Variants in NPR1 observed in about 807,000 individuals in gnomAD.
NPR1 encodes natriuretic peptide receptor 1, also known as atrial natriuretic peptide receptor 1.
NPR1 carries 57 observed loss-of-function variants against 116.9 expected under a neutral mutation model. That is an observed-to-expected ratio of 0.49 (90% CI 0.39 to 0.61). NPR1 has a LOEUF of 0.61. Among genes scored for constraint, NPR1 ranks in the 20% least tolerant of loss-of-function variants. NPR1 has a pLI of 0.00. For missense variants in NPR1, 1,096 were observed against 1,409.8 expected (o/e 0.78, Z 3.56); for synonymous variants, 555 against 601.6 (o/e 0.92, Z 1.13).
intron 8 of NPR1, among the ~76,000 whole-genome samples, chr1:153,685,442 T>A (rs1271886084): frequency 6.6e-6 from 1 of 151,728 alleles, no homozygotes; most frequent in African/African-American, 2.4e-5. Flanking sequence ...GGCAGGAGGA[T>A]TGCTTGTGCC....
At chr1:153,680,740 T>A in intron 2 of NPR1, 40 bp downstream of exon 2, 1 of 1,517,122 alleles carries the variant, frequency 6.6e-7, no homozygotes. Context: ...TCTCAGCTTG[T>A]GGCACATCAT....
chr1:153,690,197 C>T lies in NPR1; in HGVS notation c.2933-87C>T. On this transcript the variant is annotated intron_variant, in intron 19 of 21. Coordinates refer to ENST00000368680, the MANE Select transcript of NPR1 (RefSeq NM_000906.4). ...TGGGACCTCAGATCCTGCCTCCTGC[C>T]TGTCTTGGATTGTCCACCTACCTCC... 3 of 1,046,146 alleles carry T rather than the reference C, an allele frequency of 2.9e-6. No homozygotes were observed. The South Asian group carries it at 4.4e-5, about 15-fold the overall frequency. 64.8% of individuals were successfully genotyped at this position (1,046,146 alleles called of 1,614,324 possible). A position where few individuals can be genotyped will look rare whatever the true frequency, so the allele number is the denominator to read the frequency against.
intron 14 of NPR1, 33 bp from the exon 15 acceptor site, chr1:153,688,020 C>T (rs753443347): frequency 6.6e-7 from 1 of 1,505,416 alleles, no homozygotes; most frequent in Admixed American, 1.8e-5. Flanking sequence ...TTGGCCAGCC[C>T]CACCCCTCAG....
Position 153,685,860 on chromosome 1 carries a change from G to T in NPR1, c.1660G>T (p.Ala554Ser). ...CACAGAGGGCCAGTTCCAAGTCTTT[G>T]CCAAGACAGCATATTATAAGGTGGG... ...LTTEGQFQVF[A>S]KTAYYKGNLV... The change falls in exon 9 of 22, where the codon GCC (alanine) becomes TCC (serine). Residue 554 changes from alanine to serine, a missense_variant. Ala to Ser is a moderately conservative substitution (Grantham distance 99, BLOSUM62 1). Transcript: ENST00000368680. The T allele has an allele frequency of 6.2e-7, 1 of 1,614,028 alleles. No homozygotes were observed. Among genetic ancestry groups the T allele is most frequent in the Middle Eastern group, 1.7e-4 (1 of 6,056 alleles).
chr1:153,693,472 T>C lies in NPR1; in HGVS notation c.*58T>C. On this transcript the variant is annotated 3_prime_UTR_variant, in exon 22 of 22. Coordinates refer to ENST00000368680, the MANE Select transcript of NPR1 (RefSeq NM_000906.4). The stretch of plus-strand genomic sequence containing the variant: ...TACCCTGTGCCAGAAGCAACAGAGG[T>C]GCCAGGCCTCAGCCTCACCCACAGC... 2 of 1,481,534 alleles carry C rather than the reference T, an allele frequency of 1.3e-6. No homozygotes were observed. The highest frequency in any genetic ancestry group is 1.8e-6 in the Non-Finnish European group (2 of 1,088,708). The allele number at this position is 1,481,534 out of a possible 1,614,324, so 91.8% of individuals were successfully genotyped here. A position where few individuals can be genotyped will look rare whatever the true frequency, so the allele number is the denominator to read the frequency against.
chr1:153,686,263 C>T, intron 10 of NPR1, 63 bp downstream of exon 10: 1 of 1,469,052 alleles, frequency 6.8e-7, no homozygotes, highest in Non-Finnish European at 9.5e-7. Context: ...GGGAGACTGG[C>T]CAACAGAACT....
At chr1:153,687,930 G>T in intron 14 of NPR1, 123 bp from the exon 15 acceptor site, 1 of 1,098,460 alleles carries the variant, frequency 9.1e-7, no homozygotes, top group Non-Finnish European at 1.3e-6. Flanking sequence ...TGCTGCCAGT[G>T]ACCAGTCCCC....
Position 153,688,178 on chromosome 1 carries a change from C to T in NPR1, c.2374C>T (p.Pro792Ser). The change falls in exon 15 of 22, where the codon CCA (proline) becomes TCA (serine). Residue 792 changes from proline to serine, a missense_variant. Physicochemically the swap from Pro to Ser is moderately conservative, Grantham distance 74 (BLOSUM62 -1). Transcript: ENST00000368680. ...RCWAEDPQER[P>S]PFQQIRLTLR... ...CTGGGCTGAGGACCCACAGGAGAGG[C>T]CACCATTCCAGCAGATCCGCCTGAC... 6.2e-7 allele frequency: 1 copy of T among 1,613,936 alleles called. No individual in the cohort carries two copies. Among genetic ancestry groups the T allele is most frequent in the South Asian group, 1.1e-5 (1 of 91,080 alleles).
chr1:153,692,468 A>G (rs1670133246), intron 20 of NPR1, among the ~76,000 whole-genome samples: 1 of 150,786 alleles, frequency 6.6e-6, no homozygotes, highest in Non-Finnish European at 1.5e-5. Context: ...ACATATGGCT[A>G]CTTATCACTG....
At position 153,679,271 on chromosome 1, in the gene NPR1, G is replaced by A; in HGVS notation, c.163G>A (p.Val55Met). Residue 55 changes from valine (V) to methionine (M), a missense_variant, in exon 1 of 22, where the codon GTG (valine) becomes ATG (methionine). Physicochemically the swap from Val to Met is conservative, Grantham distance 21. Coordinates refer to ENST00000368680, the MANE Select transcript of NPR1 (RefSeq NM_000906.4). The surrounding 1 kb of genome is among the most constrained non-coding windows in gnomAD (Gnocchi z 4.2). ...CTCGTACCCCTGGTCGTGGGCGCGC[G>A]TGGGACCCGCCGTGGAGCTGGCCCT... Reference protein sequence around the residue: ...NTSYPWSWARVGPAVELALAQ... With the variant: ...NTSYPWSWARMGPAVELALAQ... 3 of 1,528,198 alleles carry A rather than the reference G, an allele frequency of 2.0e-6. No individual in the cohort carries two copies. The highest frequency in any genetic ancestry group is 2.5e-5 in the East Asian group (1 of 39,580). 94.7% of individuals were successfully genotyped at this position (1,528,198 alleles called of 1,614,324 possible).
At chr1:153,681,442 C>G in intron 3 of NPR1, 149 bp downstream of exon 3, 1 of 647,308 alleles carries the variant, frequency 1.5e-6, no homozygotes, top group Non-Finnish European at 2.7e-6. Flanking sequence ...TGGAGGAGGA[C>G]ACTGGCAAGT....
Position 153,693,105 on chromosome 1 carries a change from G to GC in NPR1, c.3034dup (p.Leu1012ProfsTer8). Reference sequence around the variant, plus strand: ...CTTCCCTTCTCCCCTGTCCTACCCAGCCCTGAAGATCCACTTGTCTTCTGA... The same window carrying GC: ...CTTCCCTTCTCCCCTGTCCTACCCAGCCCCTGAAGATCCACTTGTCTTCTGA... On this transcript the variant is annotated frameshift_variant and splice_region_variant. Coordinates refer to ENST00000368680, the MANE Select transcript of NPR1 (RefSeq NM_000906.4). LOFTEE classifies it high-confidence loss of function. 6.2e-7 allele frequency: 1 copy of GC among 1,613,038 alleles called. No individual in the cohort carries two copies. The highest frequency in any genetic ancestry group is 8.5e-7 in the Non-Finnish European group (1 of 1,179,496).
At chr1:153,693,035 C>A (rs1670148258) in intron 20 of NPR1, 71 bp from the exon 21 acceptor site, 2 of 1,224,530 alleles carry the variant, frequency 1.6e-6, no homozygotes, top group African/African-American at 1.5e-5. Flanking sequence ...AGTCCCTGGT[C>A]TCTTTTGCCT....
chr1:153,684,077 G>A (rs1351308107), intron 7 of NPR1, among the ~76,000 whole-genome samples: 1 of 152,124 alleles, frequency 6.6e-6, no homozygotes, highest in African/African-American at 2.4e-5. Flanking sequence ...AGAAGTTGAT[G>A]GGTGACATCA....
At position 153,689,471 on chromosome 1, in the gene NPR1, G is replaced by A. The variant is rs548689189; in HGVS notation, c.2707G>A (p.Asp903Asn). ...TPMQVVTLLN[D>N]LYTCFDAVID... Reference sequence around the variant, plus strand: ...CTTCCAGGTGGTGACCCTGCTCAATGACCTGTACACTTGCTTTGATGCTGT... The same window carrying A: ...CTTCCAGGTGGTGACCCTGCTCAATAACCTGTACACTTGCTTTGATGCTGT... The change falls in exon 18 of 22, where the codon GAC becomes AAC. Residue 903 changes from aspartate to asparagine, a missense_variant. By Grantham distance (23) the Asp-to-Asn change is conservative. Coordinates refer to ENST00000368680, the MANE Select transcript of NPR1 (RefSeq NM_000906.4). This position sits in a 1 kb window ranked among gnomAD's most constrained non-coding sequence, Gnocchi z 5.1. 7 of 1,614,172 alleles carry A rather than the reference G, an allele frequency of 4.3e-6. No individual in the cohort carries two copies. The South Asian group carries it at 5.5e-5, about 13-fold the overall frequency.
rs1177856018 is a variant in NPR1 at position 153,678,850 on chromosome 1, G to C, written c.-259G>C. Reference sequence around the variant, plus strand: ...CGCACACTCCCAGTTGTTCACACTCGGGTCCTCTCCAGCCCGACGTTCTCC... The same window carrying C: ...CGCACACTCCCAGTTGTTCACACTCCGGTCCTCTCCAGCCCGACGTTCTCC... On this transcript the variant is annotated 5_prime_UTR_variant, in exon 1 of 22. Coordinates refer to ENST00000368680, the MANE Select transcript of NPR1 (RefSeq NM_000906.4). The surrounding 1 kb of genome is among the most constrained non-coding windows in gnomAD (Gnocchi z 5.8). 3 of 472,552 alleles carry C rather than the reference G, an allele frequency of 6.3e-6. No homozygotes were observed. The highest frequency in any genetic ancestry group is 1.1e-5 in the Non-Finnish European group (3 of 271,670). The allele number at this position is 472,552 out of a possible 1,614,324, so 29.3% of individuals were successfully genotyped here. A position where few individuals can be genotyped will look rare whatever the true frequency, so the allele number is the denominator to read the frequency against.
intron 19 of NPR1, 139 bp from the exon 20 acceptor site, chr1:153,690,137 TCTCTCACA>T: frequency 3.5e-6 from 2 of 567,610 alleles, no homozygotes; most frequent in Admixed American, 3.3e-5. Context: ...TCTCTCTCTC[TCTCTCACA>T]CACACACACA....
Position 153,687,054 on chromosome 1 carries a change from G to A in NPR1, c.1902G>A (p.Met634Ile), listed in dbSNP as rs1669951532. Residue 634 changes from methionine (M) to isoleucine (I), a missense_variant, in exon 12 of 22, where the codon ATG becomes ATA. Met to Ile is a conservative substitution (Grantham distance 10). Transcript: ENST00000368680. Reference protein sequence around the residue: ...LENESITLDWMFRYSLTNDIV... With the variant: ...LENESITLDWIFRYSLTNDIV... ...ATGAGAGCATCACCCTGGACTGGAT[G>A]TTCCGGTACTCACTCACCAATGACA... The A allele has an allele frequency of 6.2e-7, 1 of 1,614,150 alleles. No homozygotes were observed.
At position 153,689,135 on chromosome 1, in the gene NPR1, A is replaced by G; in HGVS notation, c.2564+36A>G. ...GAGTCTGGGGACCCCCCCCAACACA[A>G]AGCCCCTGTCCCGACCCCCAACTCT... On this transcript the variant is annotated intron_variant, in intron 16 of 21. Coordinates refer to ENST00000368680, the MANE Select transcript of NPR1 (RefSeq NM_000906.4). The surrounding 1 kb of genome is among the most constrained non-coding windows in gnomAD (Gnocchi z 5.1). The G allele has an allele frequency of 6.2e-7, 1 of 1,614,068 alleles. No individual in the cohort carries two copies. The highest frequency in any genetic ancestry group is 1.1e-5 in the South Asian group (1 of 91,078).
Sources: gnomAD v4.1 joint callset for allele counts (sites outside exome capture counted in the v4.1 genomes callset) on GRCh38, gnomAD v4.1.1 for gene constraint, Gnocchi (gnomAD v3.1) non-coding constraint, MANE v1.5 for transcripts, NCBI Gene and HGNC (gene_info 2026-07-23, HGNC 2026-07-21) for gene names.